The following KLHL30 variants were observed in gnomAD, a reference collection of about 807,000 sequenced individuals.
KLHL30 encodes kelch-like protein 30.
In KLHL30, 55 loss-of-function variants were observed where a neutral mutation model predicts 55.0. That is an observed-to-expected ratio of 1.00 (90% CI 0.80 to 1.25). The LOEUF (loss-of-function observed/expected upper bound fraction) is 1.25. Among genes scored for constraint, KLHL30 ranks in the 50% most tolerant of loss-of-function variants. KLHL30 has a pLI of 0.00. For missense variants in KLHL30, 786 were observed against 811.6 expected, an observed-to-expected ratio of 0.97 and a Z score of 0.38; for synonymous variants, 356 against 372.6, an observed-to-expected ratio of 0.96 and a Z score of 0.51.
Position 238,152,177 on chromosome 2 carries a change from C to T in KLHL30, c.*1112C>T, listed in dbSNP as rs377677344. On this transcript the variant is annotated 3_prime_UTR_variant, in exon 8 of 8. Coordinates refer to ENST00000409223, the MANE Select transcript of KLHL30 (RefSeq NM_198582.4). ...TTGCCCCAGAGGCCCTGGGCAGCTC[C>T]GGTCTCCCGCCGGATCCAGGCTTCC... is the stretch of plus-strand genomic sequence containing the variant. 9.1e-6 allele frequency: 9 copies of T among 985,352 alleles called. No individual in the cohort carries two copies. Among genetic ancestry groups the T allele is most frequent in the Admixed American group, 6.1e-5 (1 of 16,266 alleles). The allele number at this position is 985,352 out of a possible 1,614,324, so 61.0% of individuals were successfully genotyped here. A position where few individuals can be genotyped will look rare whatever the true frequency, so the allele number is the denominator to read the frequency against.
intron 3 of KLHL30, among the ~76,000 whole-genome samples, chr2:238,144,368 T>G (rs1178139522): frequency 1.1e-5 from 1 of 87,250 alleles, no homozygotes; most frequent in Non-Finnish European, 2.6e-5. Context: ...GGGAGGGTGC[T>G]CGGAAGGAAG....
At chr2:238,149,217 G>A (rs563227924) in intron 7 of KLHL30, 65 bp downstream of exon 7, 50 of 1,591,082 alleles carry the variant, frequency 3.1e-5, no homozygotes, top group Non-Finnish European at 4.2e-5. Flanking sequence ...CAGAGAGCCA[G>A]CCTGGGAAGT....
At position 238,143,161 on chromosome 2, in the gene KLHL30, G is replaced by A. The variant is rs183244057; in HGVS notation, c.907+230G>A. Among the ~76,000 whole-genome samples the A allele has an allele frequency of 2.6e-4, 39 of 152,324 alleles. 1 individual carries two copies. The highest frequency in any genetic ancestry group is 1.9e-3 in the East Asian group (10 of 5,172). ...ACTGCTGCTCCCTCTCCCTGCAGCC[G>A]GAGCCCAGGACTCTGGTCCCTTTTA... On this transcript the variant is annotated intron_variant, in intron 3 of 7. Transcript: ENST00000409223.
Position 238,145,659 on chromosome 2 carries a change from C to T in KLHL30, c.995-18C>T, listed in dbSNP as rs965273291. Reference sequence around the variant, plus strand: ...CCCAGGCTGGTGGCACCCATGTAGACAGAACTTCTCCCGGCAGGTGGCTCT... The same window carrying T: ...CCCAGGCTGGTGGCACCCATGTAGATAGAACTTCTCCCGGCAGGTGGCTCT... On this transcript the variant is annotated intron_variant, in intron 4 of 7. Transcript: ENST00000409223. 9 of 1,566,500 alleles carry T rather than the reference C, an allele frequency of 5.7e-6. No individual in the cohort carries two copies. In the South Asian group the frequency reaches 8.2e-5, roughly 14 times the overall value.
At position 238,151,822 on chromosome 2, in the gene KLHL30, T is replaced by C; in HGVS notation, c.*757T>C. On this transcript the variant is annotated 3_prime_UTR_variant, in exon 8 of 8. Coordinates refer to ENST00000409223, the MANE Select transcript of KLHL30 (RefSeq NM_198582.4). Reference sequence around the variant, plus strand: ...TGAGCAGTTTTGCTCTCAGAAGGGATTGCCTCCGTCTCTGTGTGTCAGAAC... The same window carrying C: ...TGAGCAGTTTTGCTCTCAGAAGGGACTGCCTCCGTCTCTGTGTGTCAGAAC... 1 of 954,110 alleles carries C rather than the reference T, an allele frequency of 1.0e-6. No individual in the cohort carries two copies. Among genetic ancestry groups the C allele is most frequent in the Non-Finnish European group, 1.2e-6 (1 of 801,330 alleles). The allele number at this position is 954,110 out of a possible 1,614,324, so 59.1% of individuals were successfully genotyped here.
At position 238,151,377 on chromosome 2, in the gene KLHL30, A is replaced by T. The variant is rs373103017; in HGVS notation, c.*312A>T. On this transcript the variant is annotated 3_prime_UTR_variant, in exon 8 of 8. Transcript: ENST00000409223. ...GAGGGGAGCCGGGGGCCGGGCCAGC[A>T]TTCCCAGAGCTTGCGAGCCCCACTC... The T allele has an allele frequency of 1.1e-4, 52 of 455,960 alleles. No individual in the cohort carries two copies. The highest frequency in any genetic ancestry group is 9.2e-4 in the African/African-American group (47 of 51,292). The allele number at this position is 455,960 out of a possible 1,614,324, so 28.2% of individuals were successfully genotyped here. A position where few individuals can be genotyped will look rare whatever the true frequency, so the allele number is the denominator to read the frequency against.
chr2:238,149,152 G>C lies in KLHL30; in HGVS notation c.1485G>C (p.Lys495Asn), dbSNP rs199786535. 4.3e-6 allele frequency: 7 copies of C among 1,612,394 alleles called. No homozygotes were observed. The Admixed American group carries it at 6.7e-5, about 15-fold the overall frequency. Residue 495 changes from lysine to asparagine, a missense_variant and splice_region_variant, in exon 7 of 8, where the codon AAG (lysine) becomes AAC (asparagine). Lys to Asn is a moderately conservative substitution (Grantham distance 94, BLOSUM62 0). Coordinates refer to ENST00000409223, the MANE Select transcript of KLHL30 (RefSeq NM_198582.4). ...ACCCCGGGGCCAACCTGTGGCAGAA[G>C]GTGGGCCGCCCCCTCCCCCAACATG... ...VYDPGANLWQ[K>N]VQSQHSLHEN... is the part of the protein sequence containing the mutation.
chr2:238,146,463 G>C (rs1301880253), intron 5 of KLHL30, among the ~76,000 whole-genome samples: 1 of 151,304 alleles, frequency 6.6e-6, no homozygotes, highest in African/African-American at 2.4e-5. Flanking sequence ...CTGGAGTGCA[G>C]TGGAGTGATC....
intron 3 of KLHL30, 150 bp downstream of exon 3, chr2:238,143,081 A>C (rs1404484992): frequency 1.9e-6 from 2 of 1,031,792 alleles, no homozygotes; most frequent in South Asian, 5.9e-5. Context: ...GGTGGGCCTC[A>C]CCTGGGGGCT....
Position 238,149,036 on chromosome 2 carries a change from C to T in KLHL30, c.1369C>T (p.Leu457=). 6.2e-7 allele frequency: 1 copy of T among 1,611,872 alleles called. No individual in the cohort carries two copies. The highest frequency in any genetic ancestry group is 1.1e-5 in the South Asian group (1 of 90,810). ...DAWSVIASPF[L]PKYLSSPRCA... ...GTGGAGTGTGATCGCCTCGCCCTTC[C>T]TGCCCAAGTACCTGTCCTCGCCTCG... is the stretch of plus-strand genomic sequence containing the variant. Residue 457 remains leucine (L), a synonymous_variant, in exon 7 of 8, where the codon CTG becomes TTG. Transcript: ENST00000409223.
intron 3 of KLHL30, among the ~76,000 whole-genome samples, chr2:238,143,634 A>C (rs1361675441): frequency 6.6e-6 from 1 of 152,218 alleles, no homozygotes; most frequent in Non-Finnish European, 1.5e-5. Context: ...GTGTGGGGCC[A>C]CCAGGCAGGT....
chr2:238,145,852 C>CCTT lies in KLHL30; in HGVS notation c.1150+22_1150+24dup. ...TCGGCGGTGAGGCCTTCCTCTCCACCCTTCCCTGGGGCCTGGTTCTAGCCT... is the reference window on the plus strand; with the variant it reads ...TCGGCGGTGAGGCCTTCCTCTCCACCCTTCTTCCCTGGGGCCTGGTTCTAGCCT... On this transcript the variant is annotated intron_variant, in intron 5 of 7. Coordinates refer to ENST00000409223, the MANE Select transcript of KLHL30 (RefSeq NM_198582.4). 2 of 1,578,110 alleles carry CCTT rather than the reference C, an allele frequency of 1.3e-6. No homozygotes were observed. Among genetic ancestry groups the CCTT allele is most frequent in the Non-Finnish European group, 1.7e-6 (2 of 1,160,282 alleles).
intron 2 of KLHL30, among the ~76,000 whole-genome samples, 196 bp downstream of exon 2, chr2:238,141,724 T>C (rs1257401801): frequency 1.3e-5 from 2 of 152,264 alleles, no homozygotes; most frequent in Non-Finnish European, 2.9e-5. Flanking sequence ...TCTGTGTGTG[T>C]CACGCCCTGT....
chr2:238,139,270 G>A (rs1692486768), intron 1 of KLHL30, among the ~76,000 whole-genome samples: 1 of 152,210 alleles, frequency 6.6e-6, no homozygotes, highest in South Asian at 2.1e-4. Flanking sequence ...ACGGGAATGT[G>A]AGGCCTGCAG....
At position 238,151,095 on chromosome 2, in the gene KLHL30, C is replaced by A; in HGVS notation, c.*30C>A. ...GGGCCAGGGTCCCCGGGGAGGAGTC[C>A]CCACAGCGGCCCCTCATCAGCCTGT... On this transcript the variant is annotated 3_prime_UTR_variant, in exon 8 of 8. Transcript: ENST00000409223. The A allele has an allele frequency of 6.4e-7, 1 of 1,557,530 alleles. No homozygotes were observed. Among genetic ancestry groups the A allele is most frequent in the East Asian group, 2.4e-5 (1 of 42,210 alleles).
At position 238,144,426 on chromosome 2, in the gene KLHL30, G is replaced by T. The variant is rs1481215764; in HGVS notation, c.908-476G>T. On this transcript the variant is annotated intron_variant, in intron 3 of 7. Coordinates refer to ENST00000409223, the MANE Select transcript of KLHL30 (RefSeq NM_198582.4). ...AGGAAGGAAGGAAGGAAGGAAGGAA[G>T]GAAGGAAGGCAGGCAGGCAGGCAGG... Among the ~76,000 whole-genome samples the T allele has an allele frequency of 1.8e-3, 176 of 95,354 alleles. 2 individuals carry two copies. Among genetic ancestry groups the T allele is most frequent in the East Asian group, 9.4e-3 (32 of 3,422 alleles). 62.6% of individuals were successfully genotyped at this position (95,354 alleles called of 152,430 possible). A position where few individuals can be genotyped will look rare whatever the true frequency, so the allele number is the denominator to read the frequency against.
rs1402295617 is a variant in KLHL30, at chr2:238,145,790, C to A, written c.1108C>A (p.His370Asn). The A allele has an allele frequency of 6.2e-7, 1 of 1,608,154 alleles. No homozygotes were observed. Among genetic ancestry groups the A allele is most frequent in the Admixed American group, 1.7e-5 (1 of 59,438 alleles). ...VAPMLKPRTN[H>N]ASAALNGEIY... The stretch of plus-strand genomic sequence containing the variant: ...GCCCATGCTGAAGCCCCGCACCAAC[C>A]ACGCCAGCGCGGCCCTCAATGGGGA... The change falls in exon 5 of 8, where the codon CAC becomes AAC. Residue 370 changes from histidine to asparagine, a missense_variant. Coordinates refer to ENST00000409223, the MANE Select transcript of KLHL30 (RefSeq NM_198582.4).
rs997584675 is a variant in KLHL30, at chr2:238,147,730, C to G, written c.1151-104C>G. 1.2e-5 allele frequency: 8 copies of G among 674,746 alleles called. No homozygotes were observed. The highest frequency in any genetic ancestry group is 1.8e-5 in the Non-Finnish European group (8 of 452,138). 41.8% of individuals were successfully genotyped at this position (674,746 alleles called of 1,614,324 possible). A position where few individuals can be genotyped will look rare whatever the true frequency, so the allele number is the denominator to read the frequency against. ...CCCTGTCTGTGAAATGGGGAGCCCACCCCACCTCCCACCACTTTGCTGCCT... is the reference window on the plus strand; with the variant it reads ...CCCTGTCTGTGAAATGGGGAGCCCAGCCCACCTCCCACCACTTTGCTGCCT... On this transcript the variant is annotated intron_variant, in intron 5 of 7. Transcript: ENST00000409223. This position sits in a 1 kb window ranked among gnomAD's most constrained non-coding sequence, Gnocchi z 5.8.
At chr2:238,143,165 C>G (rs1414740074) in intron 3 of KLHL30, among the ~76,000 whole-genome samples, 1 of 152,204 alleles carries the variant, frequency 6.6e-6, no homozygotes, top group South Asian at 2.1e-4. Context: ...GCAGCCGGAG[C>G]CCAGGACTCT....
Sources: allele counts gnomAD v4.1 joint callset (sites outside exome capture counted in the v4.1 genomes callset), GRCh38; gene constraint gnomAD v4.1.1; non-coding constraint Gnocchi (gnomAD v3.1); transcripts MANE v1.5; gene names NCBI Gene and HGNC (gene_info 2026-07-23, HGNC 2026-07-21).